The following INTS6 variants were observed in gnomAD, a reference collection of about 807,000 sequenced individuals.
INTS6 encodes DEAD box protein.
A neutral mutation model predicts 104.9 loss-of-function variants in INTS6; 16 were observed. The ratio of observed to expected loss-of-function variants is 0.15; its 90% CI spans 0.10 to 0.23. The LOEUF (loss-of-function observed/expected upper bound fraction) is 0.23. Among genes scored for constraint, INTS6 ranks in the 10% least tolerant of loss-of-function variants. The pLI is 1.00. For missense variants in INTS6, 584 were observed against 1,062.8 expected (o/e 0.55, Z 6.26); for synonymous variants, 324 against 358.7 (o/e 0.90, Z 1.09).
At chr13:51,342,834 TTATAAG>T in the INTS6 span, among the ~76,000 whole-genome samples, 2 of 152,136 alleles carry the variant, frequency 1.3e-5, no homozygotes, top group Admixed American at 1.3e-4. Context: ...TAAAATCTGA[TTATAAG>T]TATGTTTTTA....
At chr13:51,442,532 A>T (rs930579425) in intron 3 of INTS6, 11 of 152,236 alleles carry the variant, frequency 7.2e-5, no homozygotes, top group African/African-American at 2.7e-4. Context: ...TACCTCTAAG[A>T]AGTCTTTCCT....
rs757868919 is a variant in INTS6 at position 51,430,312 on chromosome 13, G to A, written c.411C>T (p.Thr137=). The part of the protein sequence containing the change: ...TITDGSKLTT[T]SGVQDELHLP... ...AACTTACCTCATCCTGGACTCCACT[G>A]GTGGTAGTCAACTTGCTCCCATCAG... is the stretch of plus-strand genomic sequence containing the variant. The change falls in exon 4 of 18, where the codon ACC becomes ACT. Residue 137 remains threonine, a synonymous_variant. Transcript: ENST00000311234. The A allele has an allele frequency of 1.2e-6, 2 of 1,612,916 alleles. No homozygotes were observed. The highest frequency in any genetic ancestry group is 1.7e-6 in the Non-Finnish European group (2 of 1,179,396).
At chr13:51,340,858 C>T in the INTS6 span, 44 of 577,188 alleles carry the variant, frequency 7.6e-5, no homozygotes, top group Non-Finnish European at 1.3e-4. Context: ...GCCAAAGGAC[C>T]ACAGTGAGTA....
rs1033250021 is a variant in INTS6, at chr13:51,449,488, A to C, written c.339+1537T>G. On this transcript the variant is annotated intron_variant, in intron 3 of 17. Transcript: ENST00000311234. Reference sequence around the variant, plus strand: ...AGTTTTTCGAAGGAAGCAATCTTTAAGAAGTATTTTTAATAGGTAATAGGA... The same window carrying C: ...AGTTTTTCGAAGGAAGCAATCTTTACGAAGTATTTTTAATAGGTAATAGGA... The C allele has an allele frequency of 8.1e-6, 8 of 985,300 alleles. No homozygotes were observed. The African/African-American group carries it at 1.4e-4, about 17-fold the overall frequency. The allele number at this position is 985,300 out of a possible 1,614,324, so 61.0% of individuals were successfully genotyped here. A position where few individuals can be genotyped will look rare whatever the true frequency, so the allele number is the denominator to read the frequency against.
chr13:51,348,155 C>G, the INTS6 span: 1 of 1,355,388 alleles, frequency 7.4e-7, no homozygotes, highest in East Asian at 2.5e-5. Flanking sequence ...GGGTCCGACA[C>G]TGGTTCATTC....
At position 51,362,055 on chromosome 13, in the gene INTS6, G is replaced by T. The variant is rs76070963; in HGVS notation, c.*3697C>A. The T allele has an allele frequency of 1.6e-3, 2,498 of 1,576,822 alleles. 28 individuals are homozygous for T. In the African/African-American group the frequency reaches 0.029, roughly 18 times the overall value. ...TGCTATCTTCTATCCTAAGAAAGGG[G>T]ACTATTTCGTAAGTACAAAGGAAAC... On this transcript the variant is annotated 3_prime_UTR_variant, in exon 18 of 18. Coordinates refer to ENST00000311234, the MANE Select transcript of INTS6 (RefSeq NM_012141.3).
At chr13:51,378,556 T>C in intron 11 of INTS6, 102 bp from the exon 12 acceptor site, 1 of 620,534 alleles carries the variant, frequency 1.6e-6, no homozygotes, top group Non-Finnish European at 2.4e-6. Context: ...ATTTTTTAAG[T>C]ATATAAGAAG....
At chr13:51,450,962 C>T in intron 3 of INTS6, 63 bp downstream of exon 3, 1 of 1,412,546 alleles carries the variant, frequency 7.1e-7, no homozygotes, top group African/African-American at 1.4e-5. Flanking sequence ...AGTTTTTGGA[C>T]TGGACTGTGT....
chr13:51,350,062 A>G (rs939858740), downstream of INTS6, among the ~76,000 whole-genome samples: 1 of 152,162 alleles, frequency 6.6e-6, no homozygotes, highest in Non-Finnish European at 1.5e-5. Context: ...TTTACCTCTC[A>G]TTCTCTCAAA....
intron 4 of INTS6, chr13:51,421,151 T>C (rs78306197): frequency 7.1e-6 from 7 of 985,688 alleles, no homozygotes; most frequent in Non-Finnish European, 8.4e-6. Context: ...ATGACTAGCA[T>C]CAGACTTTTG....
Position 51,447,047 on chromosome 13 carries a change from A to T in INTS6, c.339+3978T>A, listed in dbSNP as rs531203377. ...TGTTAGGTGTTTCTTACCACAATTT[A>T]AAAAAAAATTTTAATTAAAGGAATT... On this transcript the variant is annotated intron_variant, in intron 3 of 17. Transcript: ENST00000311234. 3.2e-3 allele frequency: 481 copies of T among 152,050 alleles called. 4 individuals carry two copies. Among genetic ancestry groups the T allele is most frequent in the African/African-American group, 0.011 (451 of 41,500 alleles). The allele number at this position is 152,050 out of a possible 1,614,324, so 9.4% of individuals were successfully genotyped here. A position where few individuals can be genotyped will look rare whatever the true frequency, so the allele number is the denominator to read the frequency against.
chr13:51,341,437 A>T, the INTS6 span: 1 of 1,235,764 alleles, frequency 8.1e-7, no homozygotes, highest in Admixed American at 2.1e-5. Context: ...ACTCACACTC[A>T]CTCTCTCCAG....
chr13:51,400,191 C>T (rs1956410573), intron 4 of INTS6, among the ~76,000 whole-genome samples: 1 of 152,186 alleles, frequency 6.6e-6, no homozygotes, highest in Non-Finnish European at 1.5e-5. Flanking sequence ...CACCCATGTC[C>T]ACAGAAGAAC....
chr13:51,347,246 C>T, the INTS6 span: 1 of 1,611,416 alleles, frequency 6.2e-7, no homozygotes, highest in Non-Finnish European at 8.5e-7. Context: ...TGAGCTCTGC[C>T]CCTGCTGGTT....
At chr13:51,414,154 T>G (rs1229754971) in intron 4 of INTS6, among the ~76,000 whole-genome samples, 1 of 152,222 alleles carries the variant, frequency 6.6e-6, no homozygotes, top group Non-Finnish European at 1.5e-5. Context: ...TATGATGTGC[T>G]GTGAAACCAG....
chr13:51,345,986 T>C, the INTS6 span, among the ~76,000 whole-genome samples: 10 of 152,352 alleles, frequency 6.6e-5, no homozygotes, highest in East Asian at 1.9e-3. Flanking sequence ...ATTGGGTAAC[T>C]GGGTGGATGG....
intron 5 of INTS6, among the ~76,000 whole-genome samples, chr13:51,390,434 T>C (rs962778241): frequency 6.6e-6 from 1 of 151,968 alleles, no homozygotes; most frequent in African/African-American, 2.4e-5. Context: ...TACTATGAAA[T>C]TTTTTATTAC....
At chr13:51,387,118 T>C (rs1303486883) in intron 7 of INTS6, among the ~76,000 whole-genome samples, 3 of 152,184 alleles carry the variant, frequency 2.0e-5, no homozygotes, top group Admixed American at 6.5e-5. Flanking sequence ...AGAGGAAATT[T>C]TGAACCCAGA....
At chr13:51,355,550 TCTCTGTC>T (rs920532706) in intron 3 of INTS6, among the ~76,000 whole-genome samples, 25 of 152,226 alleles carry the variant, frequency 1.6e-4, no homozygotes, top group Non-Finnish European at 3.4e-4. Context: ...CCCAATACCT[TCTCTGTC>T]CTCTTCTAAT....
Sources: gnomAD v4.1 joint callset for allele counts (sites outside exome capture counted in the v4.1 genomes callset) on GRCh38, gnomAD v4.1.1 for gene constraint, MANE v1.5 for transcripts, NCBI Gene and HGNC (gene_info 2026-07-23, HGNC 2026-07-21) for gene names.